AOAH: variants seen among roughly 807,000 people sequenced by gnomAD.
AOAH encodes the protein acyloxyacyl hydrolase.
Under a neutral mutation model 92.2 loss-of-function variants are expected in AOAH, and 64 were observed. The ratio of observed to expected loss-of-function variants is 0.69; its 90% CI spans 0.57 to 0.86. AOAH has a LOEUF of 0.86. Among genes scored for constraint, AOAH ranks in the 40% least tolerant of loss-of-function variants. The pLI is 0.00. For missense variants in AOAH, 656 were observed against 694.6 expected (o/e 0.94, Z 0.62); for synonymous variants, 263 against 254.5 (o/e 1.03, Z -0.32).
At chr7:36,632,212 T>C (rs575600821) in intron 5 of AOAH, 106 bp from the exon 6 acceptor site, 6 of 900,838 alleles carry the variant, frequency 6.7e-6, no homozygotes, top group African/African-American at 5.1e-5. Flanking sequence ...CTCCTTCCTC[T>C]AGAATCCAGC....
At chr7:36,638,000 A>C (rs1229343922) in intron 4 of AOAH, 90 bp from the exon 5 acceptor site, 2 of 1,065,446 alleles carry the variant, frequency 1.9e-6, no homozygotes, top group Non-Finnish European at 2.8e-6. Context: ...AAAGTCCATA[A>C]GTTTTCAATA....
chr7:36,513,212 G>C lies in AOAH; in HGVS notation c.*40C>G. On this transcript the variant is annotated 3_prime_UTR_variant, in exon 21 of 21. Transcript: ENST00000617537. ...GTGGAATGAGTTTACCCAAGCCTCT[G>C]CCTCCCTGTGCTCCCCAGGGGTGCA... 3 of 1,614,120 alleles carry C rather than the reference G, an allele frequency of 1.9e-6. No homozygotes were observed. Among genetic ancestry groups the C allele is most frequent in the Non-Finnish European group, 2.5e-6 (3 of 1,180,018 alleles).
chr7:36,698,017 G>A (rs1273967937), intron 1 of AOAH, among the ~76,000 whole-genome samples: 1 of 152,114 alleles, frequency 6.6e-6, no homozygotes, highest in African/African-American at 2.4e-5. Context: ...AATTGTAAGA[G>A]GATAAGGTCT....
At chr7:36,711,298 T>C (rs1158082822) in intron 1 of AOAH, among the ~76,000 whole-genome samples, 2 of 152,204 alleles carry the variant, frequency 1.3e-5, no homozygotes. Context: ...CAACTTCTTC[T>C]TTTTTCCCTT....
chr7:36,607,860 C>G (rs1049509967), intron 11 of AOAH, among the ~76,000 whole-genome samples: 1 of 152,174 alleles, frequency 6.6e-6, no homozygotes, highest in African/African-American at 2.4e-5. Flanking sequence ...ATATCCAAAG[C>G]TGACTTTCTA....
At chr7:36,631,178 T>A (rs995911796) in intron 6 of AOAH, among the ~76,000 whole-genome samples, 31 of 152,064 alleles carry the variant, frequency 2.0e-4, no homozygotes, top group Non-Finnish European at 3.8e-4. Flanking sequence ...AAACCCCGTC[T>A]CTACTAAAAA....
intron 1 of AOAH, among the ~76,000 whole-genome samples, chr7:36,692,815 A>G (rs1797489681): frequency 6.6e-6 from 1 of 152,234 alleles, no homozygotes; most frequent in Non-Finnish European, 1.5e-5. Context: ...TGATATCTAA[A>G]TAAACAATCC....
intron 4 of AOAH, among the ~76,000 whole-genome samples, chr7:36,642,264 G>A (rs1013203250): frequency 6.6e-6 from 1 of 151,948 alleles, no homozygotes; most frequent in Non-Finnish European, 1.5e-5. Context: ...GAGTAGGGTG[G>A]GCTGCTAATC....
chr7:36,616,526 C>T, intron 10 of AOAH, 52 bp from the exon 11 acceptor site: 3 of 1,479,680 alleles, frequency 2.0e-6, no homozygotes, highest in African/African-American at 1.4e-5. Flanking sequence ...AGTTTGGAAC[C>T]TCCAGACTGG....
intron 13 of AOAH, among the ~76,000 whole-genome samples, chr7:36,566,879 C>G (rs574114510): frequency 6.6e-6 from 1 of 152,154 alleles, no homozygotes; most frequent in African/African-American, 2.4e-5. Flanking sequence ...GCAGTGATCT[C>G]GGCTCACTGC....
At chr7:36,556,991 G>C (rs1286643744) in intron 13 of AOAH, among the ~76,000 whole-genome samples, 1 of 151,606 alleles carries the variant, frequency 6.6e-6, no homozygotes, top group Non-Finnish European at 1.5e-5. Flanking sequence ...TACATTTAAA[G>C]TTAATATTGT....
chr7:36,724,414 C>T lies in AOAH; in HGVS notation c.-266G>A, dbSNP rs752960327. 6.5e-5 allele frequency: 22 copies of T among 338,542 alleles called. 1 individual carries two copies. The Middle Eastern group carries it at 2.9e-3, about 45-fold the overall frequency. The allele number at this position is 338,542 out of a possible 1,614,324, so 21.0% of individuals were successfully genotyped here. ...AGAGCTGGAGGGAGTCTGTGGTGTG[C>T]GGTTCTGCTGAGGTAAAGACTGCAG... On this transcript the variant is annotated 5_prime_UTR_variant, in exon 1 of 21. Transcript: ENST00000617537.
At chr7:36,602,361 A>T (rs1790674862) in intron 11 of AOAH, among the ~76,000 whole-genome samples, 1 of 151,684 alleles carries the variant, frequency 6.6e-6, no homozygotes. Flanking sequence ...GAGTCGAGGG[A>T]TGCATTTCTC....
chr7:36,523,629 G>GGT (rs759621905), intron 19 of AOAH, among the ~76,000 whole-genome samples: 2 of 100,138 alleles, frequency 2.0e-5, no homozygotes, highest in African/African-American at 4.1e-5. Context: ...TGTTTTGCCT[G>GGT]TTTTTTTTTT....
intron 13 of AOAH, among the ~76,000 whole-genome samples, chr7:36,551,354 G>A (rs1269320764): frequency 1.3e-5 from 2 of 152,104 alleles, no homozygotes; most frequent in Non-Finnish European, 2.9e-5. Context: ...TTACAGGTGT[G>A]AGCCACCGCA....
At chr7:36,581,377 AG>A (rs1316173599) in intron 12 of AOAH, among the ~76,000 whole-genome samples, 34 of 152,262 alleles carry the variant, frequency 2.2e-4, no homozygotes, top group Admixed American at 1.9e-3. Context: ...CTGTCGTTAG[AG>A]TAGGGCTTTT....
At chr7:36,658,067 A>C (rs560344975) in intron 4 of AOAH, among the ~76,000 whole-genome samples, 9 of 152,144 alleles carry the variant, frequency 5.9e-5, no homozygotes, top group African/African-American at 2.2e-4. Context: ...TTTTTTAATT[A>C]AAGTTAACTA....
intron 11 of AOAH, among the ~76,000 whole-genome samples, chr7:36,612,749 CT>C (rs1283249322): frequency 6.6e-6 from 1 of 152,146 alleles, no homozygotes; most frequent in Non-Finnish European, 1.5e-5. Context: ...GTCTTTATCA[CT>C]TTTAACCTTT....
intron 2 of AOAH, among the ~76,000 whole-genome samples, chr7:36,674,454 T>G (rs1203580541): frequency 2.0e-5 from 3 of 152,200 alleles, no homozygotes; most frequent in African/African-American, 7.2e-5. Flanking sequence ...GTCCTTAGTT[T>G]TTGCTGTTGT....
Sources: allele counts gnomAD v4.1 joint callset (sites outside exome capture counted in the v4.1 genomes callset), GRCh38; gene constraint gnomAD v4.1.1; transcripts MANE v1.5; gene names NCBI Gene and HGNC (gene_info 2026-07-23, HGNC 2026-07-21).